Variants in SPTBN1 observed in about 807,000 individuals in gnomAD.
SPTBN1 encodes spectrin beta chain, non-erythrocytic 1.
In SPTBN1, 32 loss-of-function variants were observed where a neutral mutation model predicts 266.4. The ratio of observed to expected loss-of-function variants is 0.12; its 90% confidence interval spans 0.09 to 0.16. The LOEUF (loss-of-function observed/expected upper bound fraction) is 0.16. Ranked by LOEUF, SPTBN1 falls within the 10% of genes least tolerant of loss-of-function variation. SPTBN1 has a pLI of 1.00. For missense variants in SPTBN1, 2,296 were observed against 3,067.1 expected, an observed-to-expected ratio of 0.75 and a Z score of 5.94; for synonymous variants, 1,336 against 1,162.2, an observed-to-expected ratio of 1.15 and a Z score of -3.04.
At chr2:54,519,780 TGAG>T (rs1484461614) in intron 1 of SPTBN1, among the ~76,000 whole-genome samples, 1 of 152,082 alleles carries the variant, frequency 6.6e-6, no homozygotes, top group Non-Finnish European at 1.5e-5. Flanking sequence ...CAATGAGAGA[TGAG>T]GAGCTGGAAT....
chr2:54,481,440 G>GTGTGTT (rs1386980434), intron 1 of SPTBN1, among the ~76,000 whole-genome samples: 9 of 73,856 alleles, frequency 1.2e-4, no homozygotes, highest in African/African-American at 6.8e-4. Flanking sequence ...GTGTGTGTGT[G>GTGTGTT]TTTTGTTTTG....
At chr2:54,485,045 C>T (rs1215170016) in intron 1 of SPTBN1, among the ~76,000 whole-genome samples, 5 of 149,500 alleles carry the variant, frequency 3.3e-5, no homozygotes, top group Admixed American at 1.3e-4. Flanking sequence ...GTAGACCATG[C>T]GCCTATGAAC....
chr2:54,641,445 C>G (rs188213124), intron 18 of SPTBN1, among the ~76,000 whole-genome samples: 112 of 152,300 alleles, frequency 7.4e-4, no homozygotes, highest in African/African-American at 2.6e-3. Flanking sequence ...TTAAGTTTTA[C>G]TTTAACTTCT....
In SPTBN1 at chr2:54,664,750, C is replaced by T. The variant is rs907680941; in HGVS notation, c.6659+59C>T. On this transcript the variant is annotated intron_variant, in intron 33 of 35. Transcript: ENST00000356805. This position sits in a 1 kb window ranked among gnomAD's most constrained non-coding sequence, Gnocchi z 5.6. ...GAAGTCAGCCTGTGAAGGGATAAGGCGGGCCACTCTTGAATTGGAAGAGAA... is the reference window on the plus strand; with the variant it reads ...GAAGTCAGCCTGTGAAGGGATAAGGTGGGCCACTCTTGAATTGGAAGAGAA... 61 of 1,538,926 alleles carry T rather than the reference C, an allele frequency of 4.0e-5. No individual in the cohort carries two copies. The highest frequency in any genetic ancestry group is 7.0e-5 in the Admixed American group (4 of 57,400).
chr2:54,555,233 A>G (rs1401270406), intron 2 of SPTBN1, among the ~76,000 whole-genome samples: 1 of 151,782 alleles, frequency 6.6e-6, no homozygotes, highest in Admixed American at 6.6e-5. Context: ...CCCCACAACT[A>G]TCTCAACTCC....
intron 2 of SPTBN1, among the ~76,000 whole-genome samples, chr2:54,562,183 CTG>C (rs1673350908): frequency 6.6e-6 from 1 of 152,210 alleles, no homozygotes; most frequent in Non-Finnish European, 1.5e-5. Context: ...ATTTAGAGAA[CTG>C]TGTAGTAACA....
At chr2:54,640,997 C>G (rs894218978) in intron 18 of SPTBN1, among the ~76,000 whole-genome samples, 3 of 152,232 alleles carry the variant, frequency 2.0e-5, no homozygotes, top group Non-Finnish European at 4.4e-5. Flanking sequence ...CTACATGTGT[C>G]TGGTACAGGG....
intron 15 of SPTBN1, among the ~76,000 whole-genome samples, chr2:54,630,646 G>A (rs1174899380): frequency 2.0e-5 from 3 of 152,146 alleles, no homozygotes; most frequent in Non-Finnish European, 2.9e-5. Context: ...TTCGTGACAG[G>A]CTTTTTCCAG....
At chr2:54,515,151 C>T (rs1670049783) in intron 1 of SPTBN1, among the ~76,000 whole-genome samples, 1 of 152,108 alleles carries the variant, frequency 6.6e-6, no homozygotes. Flanking sequence ...GGTCTTGTGG[C>T]CCCCACCCAG....
chr2:54,665,751 G>A (rs1681324744), intron 33 of SPTBN1, among the ~76,000 whole-genome samples, 164 bp from the exon 34 acceptor site: 1 of 152,188 alleles, frequency 6.6e-6, no homozygotes, highest in Admixed American at 6.5e-5. Context: ...GTTGTTTAGT[G>A]TTAGCAGAAT....
chr2:54,654,938 G>A, intron 27 of SPTBN1, 132 bp from the exon 28 acceptor site: 3 of 1,219,296 alleles, frequency 2.5e-6, no homozygotes, highest in Non-Finnish European at 3.4e-6. Flanking sequence ...CTCAGGGAGT[G>A]ATTCAGACCT....
chr2:54,469,842 G>C (rs1193567731), intron 1 of SPTBN1, among the ~76,000 whole-genome samples: 1 of 152,218 alleles, frequency 6.6e-6, no homozygotes, highest in Non-Finnish European at 1.5e-5. Context: ...TGACAAGTCT[G>C]TGCTGCCAGT....
chr2:54,622,377 T>A lies in SPTBN1; in HGVS notation c.954T>A (p.Ile318=), dbSNP rs200097410. 131 of 1,614,104 alleles carry A rather than the reference T, an allele frequency of 8.1e-5. No homozygotes were observed. The highest frequency in any genetic ancestry group is 3.9e-5 in the Non-Finnish European group (46 of 1,180,036). ...ESLASDLLEW[I]EQTIIILNNR... ...TTGCCTCTGACCTTCTGGAATGGATTGAACAAACCATCATCATTCTGAACA... is the reference window on the plus strand; with the variant it reads ...TTGCCTCTGACCTTCTGGAATGGATAGAACAAACCATCATCATTCTGAACA... Residue 318 remains isoleucine, a synonymous_variant, in exon 9 of 36, where the codon ATT becomes ATA. Transcript: ENST00000356805.
chr2:54,580,428 C>T (rs1034879838), intron 2 of SPTBN1, among the ~76,000 whole-genome samples: 3 of 152,130 alleles, frequency 2.0e-5, no homozygotes, highest in African/African-American at 7.2e-5. Context: ...TTTTCACATC[C>T]TGTTTCTTGA....
intron 1 of SPTBN1, among the ~76,000 whole-genome samples, chr2:54,505,753 G>A (rs368924671): frequency 6.6e-6 from 1 of 152,162 alleles, no homozygotes; most frequent in Non-Finnish European, 1.5e-5. Context: ...ATCTTCTGCT[G>A]TTGCTTCACA....
intron 32 of SPTBN1, chr2:54,663,142 A>G (rs900634350): frequency 1.3e-5 from 2 of 152,168 alleles, no homozygotes; most frequent in Admixed American, 1.3e-4. Flanking sequence ...TTAAGATAAG[A>G]CCTAATAAGT....
chr2:54,521,497 T>C (rs917830184), intron 1 of SPTBN1, among the ~76,000 whole-genome samples: 9 of 152,140 alleles, frequency 5.9e-5, no homozygotes, highest in African/African-American at 2.2e-4. Context: ...AGTGAAACAG[T>C]TGAATAAAAA....
At chr2:54,560,112 T>C (rs897829610) in intron 2 of SPTBN1, among the ~76,000 whole-genome samples, 2 of 150,746 alleles carry the variant, frequency 1.3e-5, no homozygotes, top group Admixed American at 6.6e-5. Context: ...TCTCTTGAGC[T>C]CTTCGGCAGT....
Position 54,643,006 on chromosome 2 carries a change from G to A in SPTBN1, c.3882G>A (p.Lys1294=). 6.2e-7 allele frequency: 1 copy of A among 1,613,694 alleles called. No individual in the cohort carries two copies. Among genetic ancestry groups the A allele is most frequent in the African/African-American group, 1.3e-5 (1 of 75,040 alleles). The change falls in exon 19 of 36, where the codon AAG becomes AAA. Residue 1294 remains lysine (K), a synonymous_variant. Coordinates refer to ENST00000356805, the MANE Select transcript of SPTBN1 (RefSeq NM_003128.3). ...CQELSLWINE[K]MLTAQDMSYD... is the part of the protein sequence containing the mutation. ...AGCTGTCTCTCTGGATCAATGAGAA[G>A]ATGCTCACAGCCCAGGACATGTCTT...
Sources: allele counts gnomAD v4.1 joint callset (sites outside exome capture counted in the v4.1 genomes callset), GRCh38; gene constraint gnomAD v4.1.1; non-coding constraint Gnocchi (gnomAD v3.1); transcripts MANE v1.5; gene names NCBI Gene and HGNC (gene_info 2026-07-23, HGNC 2026-07-21).